SLC45A3: variants seen among roughly 807,000 people sequenced by gnomAD.
The protein encoded by SLC45A3 is solute carrier family 45 member 3, also known as prostate cancer associated protein 2.
A neutral mutation model predicts 35.3 loss-of-function variants in SLC45A3; 17 were observed. That is an observed-to-expected ratio of 0.48 (90% CI 0.33 to 0.72). SLC45A3 has a LOEUF of 0.72. Among genes scored for constraint, SLC45A3 ranks in the 30% least tolerant of loss-of-function variants. The pLI is 0.02. For synonymous variants in SLC45A3, 288 were observed against 334.3 expected (o/e 0.86, Z 1.51); for missense variants, 597 against 731.7 (o/e 0.82, Z 2.12).
chr1:205,663,329 C>G lies in SLC45A3; in HGVS notation c.462G>C (p.Pro154=), dbSNP rs574763250. ...CAGAGTAGGCCTGGCGACAGTGGTC[C>G]GGGTCCCGGAAGAGGTCAGAGAGCA... ...EALLSDLFRD[P]DHCRQAYSVY... is the part of the protein sequence containing the mutation. The change falls in exon 3 of 5, where the codon CCG becomes CCC. Residue 154 remains proline (P), a synonymous_variant. Transcript: ENST00000367145. The G allele has an allele frequency of 1.2e-6, 2 of 1,613,356 alleles. No individual in the cohort carries two copies. The highest frequency in any genetic ancestry group is 4.5e-5 in the East Asian group (2 of 44,868).
intron 1 of SLC45A3, among the ~76,000 whole-genome samples, chr1:205,675,585 G>A (rs921827295): frequency 3.9e-5 from 6 of 152,078 alleles, no homozygotes; most frequent in African/African-American, 9.7e-5. Flanking sequence ...AAACAATACC[G>A]GACTGAAAAT....
intron 1 of SLC45A3, among the ~76,000 whole-genome samples, chr1:205,674,446 G>A (rs1671275811): frequency 6.6e-6 from 1 of 151,546 alleles, no homozygotes; most frequent in South Asian, 2.1e-4. Flanking sequence ...AATTAGCTGG[G>A]TGTGGTGGCA....
chr1:205,663,309 T>A lies in SLC45A3; in HGVS notation c.482A>T (p.Tyr161Phe). 1 of 1,612,590 alleles carries A rather than the reference T, an allele frequency of 6.2e-7. No homozygotes were observed. Among genetic ancestry groups the A allele is most frequent in the Non-Finnish European group, 8.5e-7 (1 of 1,179,804 alleles). The change falls in exon 3 of 5, where the codon TAC (tyrosine) becomes TTC (phenylalanine). Residue 161 changes from tyrosine to phenylalanine, a missense_variant. Physicochemically the swap from Tyr to Phe is conservative, Grantham distance 22. This residue lies in a region of SLC45A3 where 555 missense variants were observed against 664.9 expected (regional missense o/e 0.83). Transcript: ENST00000367145. ...FRDPDHCRQAYSVYAFMISLG... is the reference protein window; with the variant it reads ...FRDPDHCRQAFSVYAFMISLG... The stretch of plus-strand genomic sequence containing the variant: ...ACTGATCATGAAGGCATAGACAGAG[T>A]AGGCCTGGCGACAGTGGTCCGGGTC...
At chr1:205,677,965 C>T (rs934436404) in intron 1 of SLC45A3, among the ~76,000 whole-genome samples, 15 of 152,120 alleles carry the variant, frequency 9.9e-5, no homozygotes, top group Non-Finnish European at 1.8e-4. Flanking sequence ...GAGGCTTGGA[C>T]GAGGTTATGT....
At chr1:205,678,769 AAC>A (rs1479087893) in intron 1 of SLC45A3, among the ~76,000 whole-genome samples, 1 of 152,220 alleles carries the variant, frequency 6.6e-6, no homozygotes, top group Non-Finnish European at 1.5e-5. Context: ...CTTTCAGAAC[AAC>A]AGAGTCCTGG....
In SLC45A3 at chr1:205,662,790, G is replaced by A. The variant is rs1671050808; in HGVS notation, c.958+43C>T. The A allele has an allele frequency of 1.3e-6, 2 of 1,533,050 alleles. No individual in the cohort carries two copies. The highest frequency in any genetic ancestry group is 1.3e-5 in the South Asian group (1 of 78,440). The allele number at this position is 1,533,050 out of a possible 1,614,324, so 95.0% of individuals were successfully genotyped here. A position where few individuals can be genotyped will look rare whatever the true frequency, so the allele number is the denominator to read the frequency against. On this transcript the variant is annotated intron_variant, in intron 3 of 4. Coordinates refer to ENST00000367145, the MANE Select transcript of SLC45A3 (RefSeq NM_033102.3). This position sits in a 1 kb window ranked among gnomAD's most constrained non-coding sequence, Gnocchi z 6.2. ...CACAGCCCCGAGTGTCGTCTCTGGTGGGCGGCTCCCACACCAGCCTCTGCT... is the reference window on the plus strand; with the variant it reads ...CACAGCCCCGAGTGTCGTCTCTGGTAGGCGGCTCCCACACCAGCCTCTGCT...
At chr1:205,677,150 C>A (rs1418653) in intron 1 of SLC45A3, among the ~76,000 whole-genome samples, 52,407 of 152,040 alleles carry the variant, frequency 0.34, 11,445 homozygotes, top group Non-Finnish European at 0.49. Context: ...CCTTTTCCAG[C>A]CTGAGGGGTA....
At chr1:205,675,006 G>A (rs1252364512) in intron 1 of SLC45A3, among the ~76,000 whole-genome samples, 2 of 152,186 alleles carry the variant, frequency 1.3e-5, no homozygotes, top group Admixed American at 6.5e-5. Flanking sequence ...GTGAGCCACC[G>A]CGCCCAGCCT....
chr1:205,679,979 A>G (rs1438672090), intron 1 of SLC45A3, among the ~76,000 whole-genome samples: 3 of 151,520 alleles, frequency 2.0e-5, no homozygotes, highest in Non-Finnish European at 4.4e-5. Flanking sequence ...TTTCCAAAGA[A>G]AAGTCTGACA....
chr1:205,659,777 G>C lies in SLC45A3; in HGVS notation c.1225-106C>G. 5.7e-6 allele frequency: 6 copies of C among 1,058,726 alleles called. No homozygotes were observed. Among genetic ancestry groups the C allele is most frequent in the Non-Finnish European group, 7.9e-6 (6 of 759,828 alleles). The allele number at this position is 1,058,726 out of a possible 1,614,324, so 65.6% of individuals were successfully genotyped here. A position where few individuals can be genotyped will look rare whatever the true frequency, so the allele number is the denominator to read the frequency against. Reference sequence around the variant, plus strand: ...CCTTGCCTCCATCCCAGGGGCAATGGGACTTCATGAGAATCAGGAGCAGGA... The same window carrying C: ...CCTTGCCTCCATCCCAGGGGCAATGCGACTTCATGAGAATCAGGAGCAGGA... On this transcript the variant is annotated intron_variant, in intron 4 of 4. Coordinates refer to ENST00000367145, the MANE Select transcript of SLC45A3 (RefSeq NM_033102.3). This position sits in a 1 kb window ranked among gnomAD's most constrained non-coding sequence, Gnocchi z 5.8.
In SLC45A3 at chr1:205,664,668, C is replaced by A; in HGVS notation, c.-12G>T. 6 of 1,612,856 alleles carry A rather than the reference C, an allele frequency of 3.7e-6. No homozygotes were observed. Among genetic ancestry groups the A allele is most frequent in the African/African-American group, 1.3e-5 (1 of 75,028 alleles). On this transcript the variant is annotated 5_prime_UTR_variant, in exon 2 of 5. Coordinates refer to ENST00000367145, the MANE Select transcript of SLC45A3 (RefSeq NM_033102.3). The surrounding 1 kb of genome is among the most constrained non-coding windows in gnomAD (Gnocchi z 5.3). Reference sequence around the variant, plus strand: ...AGCCTCTGGACCATAGTGGGCCAGGCGGGTAGGGCTCAGGGGGCCGTTCAG... The same window carrying A: ...AGCCTCTGGACCATAGTGGGCCAGGAGGGTAGGGCTCAGGGGGCCGTTCAG...
chr1:205,676,260 C>T (rs554044891), intron 1 of SLC45A3, among the ~76,000 whole-genome samples: 7 of 152,148 alleles, frequency 4.6e-5, no homozygotes, highest in African/African-American at 1.2e-4. Context: ...GGGCACACAG[C>T]GACCACAGGG....
At chr1:205,670,438 C>T (rs1246138863) in intron 1 of SLC45A3, among the ~76,000 whole-genome samples, 1 of 152,212 alleles carries the variant, frequency 6.6e-6, no homozygotes, top group Non-Finnish European at 1.5e-5. Context: ...CCCACGACTT[C>T]ACAGGGCTCC....
intron 1 of SLC45A3, among the ~76,000 whole-genome samples, chr1:205,665,769 T>C (rs1277139353): frequency 6.6e-6 from 1 of 152,198 alleles, no homozygotes; most frequent in Non-Finnish European, 1.5e-5. Flanking sequence ...CACCCCTTCC[T>C]GCTAGCCCTG....
At chr1:205,671,525 G>A (rs952357414) in intron 1 of SLC45A3, among the ~76,000 whole-genome samples, 1 of 152,200 alleles carries the variant, frequency 6.6e-6, no homozygotes, top group African/African-American at 2.4e-5. Context: ...GCATGAGCCT[G>A]TAACTTGACC....
Position 205,662,226 on chromosome 1 carries a change from G to T in SLC45A3, c.959-100C>A, listed in dbSNP as rs1671039525. The stretch of plus-strand genomic sequence containing the variant: ...GGAACCACAGGTACCTGCTGCACGA[G>T]ACCTGCTGTGGACCAGCCCTGCTCC... On this transcript the variant is annotated intron_variant, in intron 3 of 4. Coordinates refer to ENST00000367145, the MANE Select transcript of SLC45A3 (RefSeq NM_033102.3). The surrounding 1 kb of genome is among the most constrained non-coding windows in gnomAD (Gnocchi z 6.2). The T allele has an allele frequency of 1.4e-6, 2 of 1,480,132 alleles. No individual in the cohort carries two copies. Among genetic ancestry groups the T allele is most frequent in the African/African-American group, 1.4e-5 (1 of 71,556 alleles). 91.7% of individuals were successfully genotyped at this position (1,480,132 alleles called of 1,614,324 possible). A position where few individuals can be genotyped will look rare whatever the true frequency, so the allele number is the denominator to read the frequency against.
At chr1:205,670,637 C>T (rs537808608) in intron 1 of SLC45A3, among the ~76,000 whole-genome samples, 111 of 152,336 alleles carry the variant, frequency 7.3e-4, no homozygotes, top group African/African-American at 2.0e-3. Context: ...TTTTCTTCAC[C>T]GTTACTGGAA....
At chr1:205,663,909 C>A (rs1671073824) in intron 2 of SLC45A3, among the ~76,000 whole-genome samples, 1 of 152,164 alleles carries the variant, frequency 6.6e-6, no homozygotes, top group Non-Finnish European at 1.5e-5. Context: ...CCAGAGCCTG[C>A]AATCCTCACA....
In SLC45A3 at chr1:205,659,222, G is replaced by GCTGGAAGTTTTCTACGCTGA; in HGVS notation, c.1654_*11dup. On this transcript the variant is annotated 3_prime_UTR_variant, in exon 5 of 5. Coordinates refer to ENST00000367145, the MANE Select transcript of SLC45A3 (RefSeq NM_033102.3). The surrounding 1 kb of genome is among the most constrained non-coding windows in gnomAD (Gnocchi z 5.8). ...TGAGGCAGGCCCTCCACCCCAATGT[G>GCTGGAAGTTTTCTACGCTGA]CTGGAAGTTTTCTACGCTGAGTATT... 1 of 1,595,130 alleles carries GCTGGAAGTTTTCTACGCTGA rather than the reference G, an allele frequency of 6.3e-7. No homozygotes were observed. The highest frequency in any genetic ancestry group is 1.1e-5 in the South Asian group (1 of 87,262).
Sources: gnomAD v4.1 joint callset for allele counts (sites outside exome capture counted in the v4.1 genomes callset) on GRCh38, gnomAD v4.1.1 for gene constraint, gnomAD v4.1.1 regional missense constraint, Gnocchi (gnomAD v3.1) non-coding constraint, MANE v1.5 for transcripts, NCBI Gene and HGNC (gene_info 2026-07-23, HGNC 2026-07-21) for gene names.